Variants in CACNA2D3 observed in about 807,000 individuals in gnomAD.
The protein encoded by CACNA2D3 is calcium voltage-gated channel auxiliary subunit alpha2delta 3.
In CACNA2D3, 60 loss-of-function variants were observed where a neutral mutation model predicts 160.6. The ratio of observed to expected loss-of-function variants is 0.37; its 90% CI spans 0.30 to 0.46. CACNA2D3 has a LOEUF of 0.46. CACNA2D3 is among the 20% of genes least tolerant of loss of function. CACNA2D3 has a pLI of 1.00. For synonymous variants in CACNA2D3, 558 were observed against 492.9 expected (o/e 1.13, Z -1.75); for missense variants, 1,205 against 1,365.0 (o/e 0.88, Z 1.85).
intron 4 of CACNA2D3, among the ~76,000 whole-genome samples, chr3:54,445,262 A>G (rs1212053881): frequency 1.3e-5 from 2 of 152,200 alleles, no homozygotes; most frequent in Admixed American, 1.3e-4. Context: ...CTGGAAACCC[A>G]GATTTGGAAA....
intron 4 of CACNA2D3, among the ~76,000 whole-genome samples, chr3:54,488,658 CT>C (rs2106915274): frequency 6.6e-6 from 1 of 152,254 alleles, no homozygotes; most frequent in South Asian, 2.1e-4. Flanking sequence ...TCCCTTCTCT[CT>C]TTCTTCGCAT....
At chr3:54,815,121 A>C (rs977540639) in intron 13 of CACNA2D3, among the ~76,000 whole-genome samples, 1 of 151,954 alleles carries the variant, frequency 6.6e-6, no homozygotes, top group African/African-American at 2.4e-5. Context: ...CTCGTGGTCT[A>C]TTTTTTTCTG....
At chr3:54,850,559 C>T (rs772947465) in intron 17 of CACNA2D3, among the ~76,000 whole-genome samples, 3 of 150,942 alleles carry the variant, frequency 2.0e-5, no homozygotes, top group African/African-American at 4.9e-5. Context: ...TGCCCAACAG[C>T]GGATTGGTCA....
intron 4 of CACNA2D3, among the ~76,000 whole-genome samples, chr3:54,387,815 A>G (rs867135835): frequency 4.6e-5 from 7 of 152,176 alleles, no homozygotes; most frequent in African/African-American, 1.7e-4. Flanking sequence ...TGCTAGACAT[A>G]TTTCTTTTAG....
chr3:54,246,770 C>T (rs1210694234), intron 2 of CACNA2D3, among the ~76,000 whole-genome samples: 1 of 151,752 alleles, frequency 6.6e-6, no homozygotes, highest in Admixed American at 6.6e-5. Flanking sequence ...TCTCAGAAAG[C>T]AACTATCATA....
At chr3:54,692,814 C>G (rs1490109638) in intron 11 of CACNA2D3, among the ~76,000 whole-genome samples, 1 of 152,178 alleles carries the variant, frequency 6.6e-6, no homozygotes, top group Non-Finnish European at 1.5e-5. Flanking sequence ...TGCTTGTATT[C>G]TACAGATGTC....
chr3:54,756,909 T>C (rs1380301620), intron 12 of CACNA2D3, among the ~76,000 whole-genome samples: 3 of 152,108 alleles, frequency 2.0e-5, no homozygotes, highest in Non-Finnish European at 2.9e-5. Flanking sequence ...TTTATTTCAT[T>C]TTATGCATAA....
intron 17 of CACNA2D3, among the ~76,000 whole-genome samples, chr3:54,857,239 G>T (rs1235145741): frequency 6.6e-6 from 1 of 152,196 alleles, no homozygotes; most frequent in East Asian, 1.9e-4. Flanking sequence ...TTCAAAGAAG[G>T]GTAGGTGACC....
At chr3:54,468,366 A>T (rs1045686029) in intron 4 of CACNA2D3, among the ~76,000 whole-genome samples, 1 of 152,206 alleles carries the variant, frequency 6.6e-6, no homozygotes, top group African/African-American at 2.4e-5. Context: ...GGAAGCCATG[A>T]GGGACTGTGC....
intron 9 of CACNA2D3, 106 bp from the exon 10 acceptor site, chr3:54,627,681 G>A: frequency 1.4e-6 from 1 of 729,314 alleles, no homozygotes; most frequent in South Asian, 1.5e-5. Context: ...TGACCGGTTG[G>A]ATCTGACAAT....
At chr3:54,978,165 C>A (rs1702432026) in intron 29 of CACNA2D3, among the ~76,000 whole-genome samples, 1 of 152,098 alleles carries the variant, frequency 6.6e-6, no homozygotes, top group South Asian at 2.1e-4. Flanking sequence ...TTGTGCTGAC[C>A]TCCTAACTCA....
chr3:55,051,750 T>C (rs112709447), intron 35 of CACNA2D3, among the ~76,000 whole-genome samples: 3 of 151,658 alleles, frequency 2.0e-5, no homozygotes, highest in East Asian at 1.9e-4. Context: ...TGCTAGCAAT[T>C]AGCGAGACTC....
intron 4 of CACNA2D3, among the ~76,000 whole-genome samples, chr3:54,479,982 A>G (rs1575480380): frequency 2.0e-5 from 3 of 152,014 alleles, no homozygotes; most frequent in African/African-American, 7.2e-5. Flanking sequence ...TCTCCTCTCA[A>G]TCTTTAGCCA....
intron 27 of CACNA2D3, among the ~76,000 whole-genome samples, chr3:54,921,401 T>A (rs1301392701): frequency 6.6e-6 from 1 of 152,100 alleles, no homozygotes; most frequent in Admixed American, 6.5e-5. Flanking sequence ...TAGCTCAGAG[T>A]AAATGTTTAG....
chr3:54,301,067 C>T (rs1009634650), intron 2 of CACNA2D3, among the ~76,000 whole-genome samples: 19 of 151,178 alleles, frequency 1.3e-4, no homozygotes, highest in East Asian at 3.9e-4. Flanking sequence ...TAAGCCTGGG[C>T]GACATAGTGA....
intron 4 of CACNA2D3, among the ~76,000 whole-genome samples, chr3:54,471,484 A>G (rs1165991399): frequency 1.3e-5 from 2 of 152,050 alleles, no homozygotes; most frequent in Non-Finnish European, 2.9e-5. Flanking sequence ...ACATCACAAT[A>G]AAAAGAACTA....
intron 35 of CACNA2D3, among the ~76,000 whole-genome samples, chr3:55,044,724 C>A (rs1704038957): frequency 6.6e-6 from 1 of 152,108 alleles, no homozygotes; most frequent in Non-Finnish European, 1.5e-5. Flanking sequence ...AGAATTTTAT[C>A]ATTAAGTCTA....
intron 4 of CACNA2D3, among the ~76,000 whole-genome samples, chr3:54,490,025 A>G (rs1400123652): frequency 6.6e-6 from 1 of 152,200 alleles, no homozygotes; most frequent in African/African-American, 2.4e-5. Context: ...TCCCCATAGG[A>G]CACACATGCA....
In CACNA2D3 at chr3:55,073,936, AG is replaced by A. The variant is rs1302121520; in HGVS notation, c.3183+78del. 2.4e-6 allele frequency: 3 copies of A among 1,271,390 alleles called. No homozygotes were observed. The Admixed American group carries it at 5.6e-5, about 24-fold the overall frequency. The allele number at this position is 1,271,390 out of a possible 1,614,324, so 78.8% of individuals were successfully genotyped here. ...AGTCTCACACTGGTCAAAGAACTAC[AG>A]CTGAAAAGTTCACTCATGAGAAAAT... is the stretch of plus-strand genomic sequence containing the variant. On this transcript the variant is annotated intron_variant, in intron 37 of 37. Transcript: ENST00000474759.
Sources: gnomAD v4.1 joint callset for allele counts (sites outside exome capture counted in the v4.1 genomes callset) on GRCh38, gnomAD v4.1.1 for gene constraint, MANE v1.5 for transcripts, NCBI Gene and HGNC (gene_info 2026-07-23, HGNC 2026-07-21) for gene names.